Variants in SCHIP1 observed in about 807,000 individuals in gnomAD.
SCHIP1 encodes the protein schwannomin interacting protein 1.
A neutral mutation model predicts 29.7 loss-of-function variants in SCHIP1; 8 were observed. The observed-to-expected ratio is 0.27, with a 90% CI of 0.16 to 0.49. The LOEUF (loss-of-function observed/expected upper bound fraction) is 0.49, where lower values mean the gene tolerates loss of function less well. Among genes scored for constraint, SCHIP1 ranks in the 20% least tolerant of loss-of-function variants. The probability of loss-of-function intolerance (pLI) is 0.99; values close to 1 mark genes in which losing one functional copy is unlikely to be tolerated. For missense variants in SCHIP1, 193 were observed against 294.6 expected (o/e 0.66, Z 2.52); for synonymous variants, 76 against 94.9 (o/e 0.80, Z 1.16).
the SCHIP1 span, among the ~76,000 whole-genome samples, chr3:159,650,243 T>C: frequency 6.6e-6 from 1 of 152,136 alleles, no homozygotes; most frequent in African/African-American, 2.4e-5. Flanking sequence ...GAAAAACAAA[T>C]GCTCTATATT....
At chr3:159,336,886 A>C in the SCHIP1 span, among the ~76,000 whole-genome samples, 2 of 152,152 alleles carry the variant, frequency 1.3e-5, no homozygotes. Context: ...GAAGAAAGTC[A>C]TTGGTAGCTT....
chr3:159,680,616 A>ATATATAATATATATTTTATATAT, the SCHIP1 span, among the ~76,000 whole-genome samples: 1 of 97,446 alleles, frequency 1.0e-5, no homozygotes, highest in East Asian at 2.4e-4. Flanking sequence ...TTATATATGT[A>ATATATAATATATATTTTATATAT]TATATAATAT....
the SCHIP1 span, among the ~76,000 whole-genome samples, chr3:159,711,662 A>G: frequency 6.6e-6 from 1 of 152,146 alleles, no homozygotes; most frequent in Admixed American, 6.5e-5. Flanking sequence ...AAATAGGGCC[A>G]GATGTTGCTA....
the SCHIP1 span, chr3:159,401,280 T>G: frequency 2.3e-6 from 2 of 877,954 alleles, no homozygotes; most frequent in Non-Finnish European, 2.7e-6. Flanking sequence ...TGAGCTTGCA[T>G]TTAGTGGTGA....
At chr3:159,798,488 T>C in the SCHIP1 span, among the ~76,000 whole-genome samples, 6 of 152,006 alleles carry the variant, frequency 3.9e-5, no homozygotes, top group Non-Finnish European at 8.8e-5. Context: ...CCAGGCGCAG[T>C]GGTTCACGCC....
intron 1 of SCHIP1, among the ~76,000 whole-genome samples, chr3:159,865,862 C>A (rs1158659301): frequency 6.6e-6 from 1 of 152,200 alleles, no homozygotes; most frequent in Non-Finnish European, 1.5e-5. Context: ...CTATACCTAG[C>A]AGGTAAGAAG....
chr3:159,831,069 G>A, the SCHIP1 span, among the ~76,000 whole-genome samples: 2 of 152,192 alleles, frequency 1.3e-5, no homozygotes, highest in Non-Finnish European at 2.9e-5. Flanking sequence ...AAGAGACAGA[G>A]CCAATTCCCT....
At chr3:159,309,418 C>A in the SCHIP1 span, among the ~76,000 whole-genome samples, 2 of 152,098 alleles carry the variant, frequency 1.3e-5, no homozygotes, top group Non-Finnish European at 2.9e-5. Context: ...TTCTGTGTTT[C>A]CTACTGCTCG....
At chr3:159,868,000 ATTTATATATATATAAATCAATGATT>A (rs1046695539) in intron 2 of SCHIP1, among the ~76,000 whole-genome samples, 10 of 144,056 alleles carry the variant, frequency 6.9e-5, no homozygotes, top group East Asian at 2.0e-4. Context: ...TAAATCAATG[ATTTATATATATATAAATCAATGATT>A]TTTATATATA....
At chr3:159,842,514 C>A (rs1744309676) in intron 1 of SCHIP1, among the ~76,000 whole-genome samples, 2 of 152,136 alleles carry the variant, frequency 1.3e-5, no homozygotes, top group African/African-American at 4.8e-5. Context: ...CAGATCATGT[C>A]CCATATCTCA....
the SCHIP1 span, among the ~76,000 whole-genome samples, chr3:159,498,284 A>C: frequency 6.6e-6 from 1 of 152,210 alleles, no homozygotes; most frequent in Non-Finnish European, 1.5e-5. Flanking sequence ...TCTATCTTTT[A>C]AGGAATAATT....
the SCHIP1 span, among the ~76,000 whole-genome samples, chr3:159,630,760 G>T: frequency 1.3e-5 from 2 of 152,072 alleles, no homozygotes; most frequent in African/African-American, 4.8e-5. Context: ...CTACAAATTA[G>T]GTACGGTGTA....
chr3:159,556,994 G>C, the SCHIP1 span, among the ~76,000 whole-genome samples: 1 of 148,404 alleles, frequency 6.7e-6, no homozygotes, highest in Non-Finnish European at 1.5e-5. Flanking sequence ...GTCTTGCTCT[G>C]CCGCCCAGAC....
At chr3:159,490,718 A>G in the SCHIP1 span, among the ~76,000 whole-genome samples, 1 of 152,226 alleles carries the variant, frequency 6.6e-6, no homozygotes, top group African/African-American at 2.4e-5. Flanking sequence ...GATAAATTCT[A>G]AGATTTACAC....
At chr3:159,336,730 GT>G in the SCHIP1 span, among the ~76,000 whole-genome samples, 1 of 152,182 alleles carries the variant, frequency 6.6e-6, no homozygotes, top group Non-Finnish European at 1.5e-5. Context: ...GTACCGTGCT[GT>G]TTTGGTTACT....
the SCHIP1 span, among the ~76,000 whole-genome samples, chr3:159,400,148 T>C: frequency 6.6e-6 from 1 of 152,230 alleles, no homozygotes; most frequent in Non-Finnish European, 1.5e-5. Flanking sequence ...CACTTTTCTG[T>C]ATGTTAGCAG....
the SCHIP1 span, among the ~76,000 whole-genome samples, chr3:159,395,887 G>C: frequency 2.0e-5 from 3 of 151,880 alleles, no homozygotes; most frequent in African/African-American, 7.3e-5. Flanking sequence ...TTGACTTTCT[G>C]TCTCATTGAT....
intron 2 of SCHIP1, among the ~76,000 whole-genome samples, chr3:159,873,717 A>G (rs1715502661): frequency 6.6e-6 from 1 of 152,202 alleles, no homozygotes; most frequent in Non-Finnish European, 1.5e-5. Flanking sequence ...GCCCTTTACA[A>G]ACTGAAACTG....
the SCHIP1 span, among the ~76,000 whole-genome samples, chr3:159,755,164 G>A: frequency 1.3e-5 from 2 of 152,190 alleles, no homozygotes; most frequent in African/African-American, 4.8e-5. Flanking sequence ...GAACCTGGGA[G>A]GCGGAGCTTG....
Sources: gnomAD v4.1 joint callset for allele counts (sites outside exome capture counted in the v4.1 genomes callset) on GRCh38, gnomAD v4.1.1 for gene constraint, MANE v1.5 for transcripts, NCBI Gene and HGNC (gene_info 2026-07-23, HGNC 2026-07-21) for gene names.